SEMA3C: variants seen among roughly 807,000 people sequenced by gnomAD.
SEMA3C encodes semaphorin-3C.
Under a neutral mutation model 89.4 loss-of-function variants are expected in SEMA3C, and 47 were observed. The observed-to-expected ratio is 0.53, with a 90% CI of 0.42 to 0.67. SEMA3C has a LOEUF of 0.67. Ranked by LOEUF, SEMA3C falls within the 30% of genes least tolerant of loss-of-function variation. The pLI is 0.00. For missense variants in SEMA3C, 839 were observed against 929.1 expected, an observed-to-expected ratio of 0.90 and a Z score of 1.26; for synonymous variants, 310 against 320.2, an observed-to-expected ratio of 0.97 and a Z score of 0.34.
chr7:80,759,569 T>C (rs779100393), intron 14 of SEMA3C, among the ~76,000 whole-genome samples: 2 of 152,218 alleles, frequency 1.3e-5, no homozygotes, highest in Non-Finnish European at 2.9e-5. Flanking sequence ...TTGTAAGGTT[T>C]TCCTCCACAT....
chr7:80,790,618 C>A (rs1259127686), intron 11 of SEMA3C, among the ~76,000 whole-genome samples: 3 of 152,146 alleles, frequency 2.0e-5, no homozygotes, highest in East Asian at 1.9e-4. Context: ...TACTCCTCTC[C>A]AGAACACCCC....
At chr7:80,892,172 A>G (rs1791630913) in intron 2 of SEMA3C, among the ~76,000 whole-genome samples, 2 of 152,132 alleles carry the variant, frequency 1.3e-5, no homozygotes, top group East Asian at 3.8e-4. Context: ...TCTGTACAGT[A>G]TCTTTACAGG....
intron 2 of SEMA3C, among the ~76,000 whole-genome samples, chr7:80,884,933 A>G (rs1209015174): frequency 1.3e-5 from 2 of 152,240 alleles, no homozygotes; most frequent in Non-Finnish European, 2.9e-5. Context: ...TTAAAAATAC[A>G]GATTAGATGC....
At position 80,805,547 on chromosome 7, in the gene SEMA3C, G is replaced by GT. The variant is rs552733409; in HGVS notation, c.658+91dup. On this transcript the variant is annotated intron_variant, in intron 7 of 17. Coordinates refer to ENST00000265361, the MANE Select transcript of SEMA3C (RefSeq NM_006379.5). The stretch of plus-strand genomic sequence containing the variant: ...ATTCATGTAATAGCCTGCTATTTTA[G>GT]TTTTTAACCATTTTCCCTAGTTGTT... The GT allele has an allele frequency of 3.9e-4, 442 of 1,124,808 alleles. 3 individuals carry two copies. The African/African-American group carries it at 5.7e-3, about 14-fold the overall frequency. The allele number at this position is 1,124,808 out of a possible 1,614,324, so 69.7% of individuals were successfully genotyped here.
intron 16 of SEMA3C, among the ~76,000 whole-genome samples, chr7:80,750,916 G>A (rs1787920019): frequency 6.6e-6 from 1 of 152,064 alleles, no homozygotes; most frequent in Admixed American, 6.6e-5. Context: ...ATTTACTGCA[G>A]TAAAAAAATG....
intron 4 of SEMA3C, among the ~76,000 whole-genome samples, chr7:80,821,431 G>C (rs1264065030): frequency 6.6e-6 from 1 of 151,890 alleles, no homozygotes; most frequent in African/African-American, 2.4e-5. Context: ...TTTTTTTGGG[G>C]GGGTGGGCGA....
intron 4 of SEMA3C, 85 bp from the exon 5 acceptor site, chr7:80,818,503 T>C (rs1433106481): frequency 4.1e-6 from 6 of 1,462,936 alleles, no homozygotes; most frequent in East Asian, 4.7e-5. Flanking sequence ...AGATCTTGTA[T>C]GATAAGTAAC....
At chr7:80,778,894 C>G (rs1317769398) in intron 12 of SEMA3C, among the ~76,000 whole-genome samples, 2 of 152,154 alleles carry the variant, frequency 1.3e-5, no homozygotes, top group African/African-American at 4.8e-5. Context: ...TATGATCACT[C>G]TCCATTTTCT....
intron 2 of SEMA3C, among the ~76,000 whole-genome samples, chr7:80,840,232 T>C (rs140183583): frequency 1.3e-5 from 2 of 152,042 alleles, no homozygotes; most frequent in Non-Finnish European, 2.9e-5. Context: ...CAATAGATGG[T>C]AAAAAGGCCA....
chr7:80,826,847 T>C (rs1441855276), intron 4 of SEMA3C, among the ~76,000 whole-genome samples: 2 of 152,170 alleles, frequency 1.3e-5, no homozygotes, highest in African/African-American at 2.4e-5. Context: ...TAGAAATCAA[T>C]ATAGATTTCT....
intron 2 of SEMA3C, among the ~76,000 whole-genome samples, chr7:80,892,185 G>T (rs1341322462): frequency 6.6e-6 from 1 of 152,072 alleles, no homozygotes; most frequent in Admixed American, 6.5e-5. Flanking sequence ...TTTACAGGAG[G>T]CAATAAACTA....
At chr7:80,796,524 CCCA>C (rs995061196) in intron 11 of SEMA3C, 4 of 152,238 alleles carry the variant, frequency 2.6e-5, no homozygotes, top group Non-Finnish European at 5.9e-5. Context: ...ACTACAGGCG[CCCA>C]CCACCACACC....
chr7:80,781,614 C>G (rs764665354), intron 12 of SEMA3C, among the ~76,000 whole-genome samples: 1 of 152,184 alleles, frequency 6.6e-6, no homozygotes, highest in East Asian at 1.9e-4. Flanking sequence ...CCTGGCTCAG[C>G]AGCAGGCTGT....
At chr7:80,902,166 T>C (rs1791897003) in intron 2 of SEMA3C, among the ~76,000 whole-genome samples, 1 of 152,198 alleles carries the variant, frequency 6.6e-6, no homozygotes. Flanking sequence ...TTACCTAGGC[T>C]GGTCTTGGAC....
At chr7:80,878,040 C>T (rs1273066366) in intron 2 of SEMA3C, among the ~76,000 whole-genome samples, 3 of 152,116 alleles carry the variant, frequency 2.0e-5, no homozygotes, top group Non-Finnish European at 4.4e-5. Context: ...AGTTGAGCCT[C>T]TTCCATTTAC....
At chr7:80,883,195 C>T (rs886403774) in intron 2 of SEMA3C, among the ~76,000 whole-genome samples, 1 of 152,126 alleles carries the variant, frequency 6.6e-6, no homozygotes, top group African/African-American at 2.4e-5. Flanking sequence ...ACACAAAATG[C>T]ATTCATTAAC....
At chr7:80,816,170 G>T (rs761634004) in intron 5 of SEMA3C, 5 of 152,104 alleles carry the variant, frequency 3.3e-5, no homozygotes, top group African/African-American at 1.2e-4. Context: ...GAGAAATGGG[G>T]TATAACAAAA....
At chr7:80,863,012 C>G (rs1273604701) in intron 2 of SEMA3C, among the ~76,000 whole-genome samples, 2 of 151,956 alleles carry the variant, frequency 1.3e-5, no homozygotes, top group Admixed American at 1.3e-4. Context: ...ACTGGAAAAC[C>G]CTTCTAGACT....
intron 17 of SEMA3C, among the ~76,000 whole-genome samples, chr7:80,747,482 C>CT (rs1787828688): frequency 6.6e-6 from 1 of 152,028 alleles, no homozygotes; most frequent in Admixed American, 6.6e-5. Flanking sequence ...TACATATAGG[C>CT]TTTTTCTGGA....
Sources: allele counts gnomAD v4.1 joint callset (sites outside exome capture counted in the v4.1 genomes callset), GRCh38; gene constraint gnomAD v4.1.1; transcripts MANE v1.5; gene names NCBI Gene and HGNC (gene_info 2026-07-23, HGNC 2026-07-21).